Variants in ADAMTS19 observed in about 807,000 individuals in gnomAD.
ADAMTS19 encodes the protein ADAM metallopeptidase with thrombospondin type 1 motif 19, also known as A disintegrin and metalloproteinase with thrombospondin motifs 19.
In ADAMTS19, 93 loss-of-function variants were observed where a neutral mutation model predicts 153.3. That is an observed-to-expected ratio of 0.61 (90% CI 0.51 to 0.72). The LOEUF is 0.72. ADAMTS19 is among the 30% of genes least tolerant of loss of function. ADAMTS19 has a pLI of 0.00. For synonymous variants in ADAMTS19, 600 were observed against 556.6 expected, an observed-to-expected ratio of 1.08 and a Z score of -1.10; for missense variants, 1,482 against 1,552.1, an observed-to-expected ratio of 0.95 and a Z score of 0.76.
intron 8 of ADAMTS19, among the ~76,000 whole-genome samples, chr5:129,601,078 G>C (rs1750627897): frequency 6.6e-6 from 1 of 152,028 alleles, no homozygotes; most frequent in African/African-American, 2.4e-5. Context: ...TCAGTATGTT[G>C]GTCAGGCTGG....
At chr5:129,691,316 G>A (rs1021520147) in intron 18 of ADAMTS19, among the ~76,000 whole-genome samples, 2 of 152,052 alleles carry the variant, frequency 1.3e-5, no homozygotes, top group Admixed American at 1.3e-4. Flanking sequence ...AATTTAATGG[G>A]AATGACCAAG....
intron 7 of ADAMTS19, among the ~76,000 whole-genome samples, chr5:129,578,924 T>G (rs1255214687): frequency 6.6e-6 from 1 of 152,150 alleles, no homozygotes; most frequent in Non-Finnish European, 1.5e-5. Flanking sequence ...GTCTTTATAG[T>G]AGAATGATTT....
intron 10 of ADAMTS19, among the ~76,000 whole-genome samples, chr5:129,635,326 A>G (rs1324719042): frequency 1.3e-5 from 2 of 152,232 alleles, no homozygotes; most frequent in Non-Finnish European, 2.9e-5. Flanking sequence ...AATTAGTTCA[A>G]CCATTGTGGA....
chr5:129,632,108 A>G (rs1245411110), intron 10 of ADAMTS19, among the ~76,000 whole-genome samples: 1 of 152,018 alleles, frequency 6.6e-6, no homozygotes, highest in Non-Finnish European at 1.5e-5. Flanking sequence ...TTGCAACTCA[A>G]ATCTGCTGCT....
intron 8 of ADAMTS19, among the ~76,000 whole-genome samples, chr5:129,614,263 G>A (rs1447685001): frequency 6.6e-6 from 1 of 152,148 alleles, no homozygotes. Flanking sequence ...TATCCCTGAT[G>A]AACATCAGAG....
At chr5:129,616,011 G>A (rs1751505803) in intron 8 of ADAMTS19, among the ~76,000 whole-genome samples, 1 of 151,870 alleles carries the variant, frequency 6.6e-6, no homozygotes, top group South Asian at 2.1e-4. Context: ...AACGTCAAAA[G>A]GAATCTCTTT....
chr5:129,719,806 C>T (rs1234405016), intron 21 of ADAMTS19, among the ~76,000 whole-genome samples: 7 of 152,128 alleles, frequency 4.6e-5, no homozygotes, highest in East Asian at 1.9e-4. Context: ...TTTGGGAGGC[C>T]GAGGTGGGCA....
intron 20 of ADAMTS19, among the ~76,000 whole-genome samples, chr5:129,703,432 T>C (rs1581243804): frequency 6.6e-6 from 1 of 152,140 alleles, no homozygotes; most frequent in African/African-American, 2.4e-5. Flanking sequence ...TATAATTATA[T>C]ACAGAAATTC....
intron 3 of ADAMTS19, among the ~76,000 whole-genome samples, chr5:129,525,559 A>C (rs1360849202): frequency 2.0e-5 from 3 of 152,016 alleles, no homozygotes; most frequent in Non-Finnish European, 4.4e-5. Context: ...ATCTTCTGTC[A>C]CTTGGTGGCA....
intron 2 of ADAMTS19, among the ~76,000 whole-genome samples, chr5:129,466,295 G>C (rs1749856039): frequency 6.6e-6 from 1 of 152,026 alleles, no homozygotes. Flanking sequence ...ACCAAGAAAA[G>C]ATGAGCTGAC....
At chr5:129,535,662 T>C (rs1581052684) in intron 6 of ADAMTS19, among the ~76,000 whole-genome samples, 2 of 152,232 alleles carry the variant, frequency 1.3e-5, no homozygotes, top group East Asian at 3.9e-4. Flanking sequence ...CTTCAAACTA[T>C]ACTACAAGGC....
chr5:129,699,783 C>A (rs1755744592), intron 19 of ADAMTS19, among the ~76,000 whole-genome samples: 1 of 152,030 alleles, frequency 6.6e-6, no homozygotes, highest in Non-Finnish European at 1.5e-5. Context: ...GCAAGATGAG[C>A]ATATGGTTTA....
At chr5:129,497,109 G>T (rs1164909477) in intron 2 of ADAMTS19, among the ~76,000 whole-genome samples, 1 of 151,934 alleles carries the variant, frequency 6.6e-6, no homozygotes, top group East Asian at 1.9e-4. Flanking sequence ...GAGCAATGTG[G>T]GTTAGACACG....
At chr5:129,460,551 G>A in intron 1 of ADAMTS19, 69 bp downstream of exon 1, 1 of 1,578,486 alleles carries the variant, frequency 6.3e-7, no homozygotes, top group South Asian at 1.1e-5. Flanking sequence ...CGTACGGGTC[G>A]GCAGGGCTGG....
chr5:129,656,274 A>G (rs1447255415), intron 14 of ADAMTS19, among the ~76,000 whole-genome samples: 1 of 152,186 alleles, frequency 6.6e-6, no homozygotes, highest in African/African-American at 2.4e-5. Context: ...AAAACACTTC[A>G]AGATTCTGGC....
intron 9 of ADAMTS19, among the ~76,000 whole-genome samples, chr5:129,621,963 A>C (rs1373733148): frequency 1.3e-5 from 2 of 152,222 alleles, no homozygotes; most frequent in African/African-American, 4.8e-5. Flanking sequence ...GAGTTAATTC[A>C]TATGAATGTG....
chr5:129,608,704 T>C (rs1486669887), intron 8 of ADAMTS19, among the ~76,000 whole-genome samples: 2 of 151,888 alleles, frequency 1.3e-5, no homozygotes, highest in African/African-American at 2.4e-5. Context: ...GGCGGATCAC[T>C]TGAGTTCAGG....
chr5:129,657,628 G>A (rs1581194392), intron 14 of ADAMTS19, among the ~76,000 whole-genome samples: 1 of 152,142 alleles, frequency 6.6e-6, no homozygotes, highest in East Asian at 1.9e-4. Context: ...TTCCCCAACT[G>A]TTCATATTTT....
At chr5:129,708,590 CAAAAAAAAAAAAA>C (rs1174701520) in intron 21 of ADAMTS19, among the ~76,000 whole-genome samples, 4 of 61,814 alleles carry the variant, frequency 6.5e-5, no homozygotes, top group East Asian at 5.9e-4. Flanking sequence ...AGCAGAGAAG[CAAAAAAAAAAAAA>C]AAAAAAAAAA....
Sources: allele counts gnomAD v4.1 joint callset (sites outside exome capture counted in the v4.1 genomes callset), GRCh38; gene constraint gnomAD v4.1.1; transcripts MANE v1.5; gene names NCBI Gene and HGNC (gene_info 2026-07-23, HGNC 2026-07-21).